The following ESR1 variants were observed in gnomAD, a reference collection of about 807,000 sequenced individuals.
ESR1 encodes the protein estrogen receptor.
In ESR1, 12 loss-of-function variants were observed where a neutral mutation model predicts 52.7. The ratio of observed to expected loss-of-function variants is 0.23; its 90% confidence interval spans 0.15 to 0.37. The LOEUF (loss-of-function observed/expected upper bound fraction) is 0.37. Ranked by LOEUF, ESR1 falls within the 10% of genes least tolerant of loss-of-function variation. The pLI is 1.00. For missense variants in ESR1, 584 were observed against 779.7 expected, an observed-to-expected ratio of 0.75 and a Z score of 2.99; for synonymous variants, 305 against 316.8, an observed-to-expected ratio of 0.96 and a Z score of 0.39.
At chr6:151,774,618 A>G (rs1355574070) in intron 2 of ESR1, among the ~76,000 whole-genome samples, 1 of 152,212 alleles carries the variant, frequency 6.6e-6, no homozygotes, top group Non-Finnish European at 1.5e-5. Flanking sequence ...CAACTGTAGA[A>G]GTCTAGGATG....
At chr6:152,086,558 C>T (rs941145239) in intron 6 of ESR1, among the ~76,000 whole-genome samples, 2 of 150,642 alleles carry the variant, frequency 1.3e-5, no homozygotes, top group African/African-American at 4.9e-5. Flanking sequence ...TCAACTGAAC[C>T]AGTTCATCAG....
At chr6:151,951,459 A>G (rs1291772091) in intron 4 of ESR1, among the ~76,000 whole-genome samples, 1 of 152,220 alleles carries the variant, frequency 6.6e-6, no homozygotes, top group African/African-American at 2.4e-5. Flanking sequence ...TCAAAGTTAT[A>G]GTTTCACTTA....
intron 3 of ESR1, among the ~76,000 whole-genome samples, chr6:151,938,207 GTT>G (rs969999140): frequency 1.3e-5 from 2 of 151,824 alleles, no homozygotes; most frequent in African/African-American, 4.8e-5. Flanking sequence ...TATTATACTA[GTT>G]TTTTTTCTGG....
At chr6:151,956,614 A>G (rs1325607615) in intron 4 of ESR1, among the ~76,000 whole-genome samples, 2 of 152,002 alleles carry the variant, frequency 1.3e-5, no homozygotes, top group Non-Finnish European at 2.9e-5. Flanking sequence ...ATAGTTTAGT[A>G]TTAGGGAAAC....
intron 4 of ESR1, among the ~76,000 whole-genome samples, chr6:152,006,404 G>A (rs534475806): frequency 1.6e-4 from 24 of 151,826 alleles, no homozygotes; most frequent in Non-Finnish European, 2.6e-4. Flanking sequence ...GAGAAGGAAG[G>A]TCATTTCAAC....
intron 2 of ESR1, among the ~76,000 whole-genome samples, chr6:151,853,521 C>T (rs1048875814): frequency 6.6e-6 from 1 of 152,100 alleles, no homozygotes; most frequent in South Asian, 2.1e-4. Context: ...TTTCCTCTCC[C>T]TTTGGCTAAG....
rs780263411 is a variant in ESR1, at chr6:152,122,672, T to A, written c.851-2594T>A. On this transcript the variant is annotated intron_variant, in intron 6 of 6. Coordinates refer to the ESR1 transcript ENST00000427531. Reference sequence around the variant, plus strand: ...AGGGAGGAATCGGAGCCACCTTTTGTGGACCTGAGAGAAGAATGGACATAA... The same window carrying A: ...AGGGAGGAATCGGAGCCACCTTTTGAGGACCTGAGAGAAGAATGGACATAA... 2.2e-5 allele frequency: 35 copies of A among 1,613,750 alleles called. No individual in the cohort carries two copies. Among genetic ancestry groups the A allele is most frequent in the Non-Finnish European group, 3.0e-5 (35 of 1,179,904 alleles).
chr6:151,666,695 C>CT (rs1777835403), intron 1 of ESR1, among the ~76,000 whole-genome samples: 2 of 134,440 alleles, frequency 1.5e-5, no homozygotes, highest in Non-Finnish European at 3.1e-5. Flanking sequence ...CTTCCCCATC[C>CT]CCCTCCTCCT....
Position 151,847,967 on chromosome 6 carries a change from C to T in ESR1, c.643+5180C>T, listed in dbSNP as rs1785441564. Among the ~76,000 whole-genome samples, 4 of 146,392 alleles carry T rather than the reference C, an allele frequency of 2.7e-5. No individual in the cohort carries two copies. In the South Asian group the frequency reaches 9.0e-4, roughly 33 times the overall value. On this transcript the variant is annotated intron_variant, in intron 2 of 7. Transcript: ENST00000206249. ...TAGAAATACCATTTGACCCAGCTAT[C>T]CCATTACTGGGTATATACCCAAAGG... is the stretch of plus-strand genomic sequence containing the variant.
chr6:151,959,704 A>T (rs931001597), intron 4 of ESR1, among the ~76,000 whole-genome samples: 5 of 147,938 alleles, frequency 3.4e-5, no homozygotes, highest in African/African-American at 7.6e-5. Flanking sequence ...TTTTTTTTTT[A>T]ATTAGAAAAA....
intron 5 of ESR1, among the ~76,000 whole-genome samples, chr6:152,057,947 A>G (rs1431024248): frequency 6.6e-6 from 1 of 152,178 alleles, no homozygotes; most frequent in African/African-American, 2.4e-5. Context: ...CGATTGAAAA[A>G]GGACAAGAAG....
intron 1 of ESR1, among the ~76,000 whole-genome samples, chr6:151,680,205 T>C (rs1778402433): frequency 7.6e-5 from 2 of 26,342 alleles, no homozygotes; most frequent in South Asian, 1.6e-3. Flanking sequence ...TTCTTTTCTC[T>C]TTTTTTTTTT....
intron 2 of ESR1, among the ~76,000 whole-genome samples, chr6:151,869,718 C>T (rs1008952708): frequency 2.0e-5 from 3 of 152,136 alleles, no homozygotes; most frequent in Non-Finnish European, 4.4e-5. Context: ...GAAAAAGAAA[C>T]TTTCCAGGAC....
intron 2 of ESR1, among the ~76,000 whole-genome samples, chr6:151,873,939 T>A (rs1240670708): frequency 6.6e-6 from 1 of 152,216 alleles, no homozygotes; most frequent in Non-Finnish European, 1.5e-5. Flanking sequence ...AAGCTTTATA[T>A]ATGTTAGCTA....
intron 3 of ESR1, 32 bp downstream of exon 3, chr6:151,880,803 A>C (rs374539472): frequency 4.3e-6 from 5 of 1,173,158 alleles, no homozygotes; most frequent in Non-Finnish European, 6.4e-6. Context: ...GCCCTTGGGG[A>C]TGGCCCTGGC....
chr6:152,062,088 C>A (rs1369031127), intron 6 of ESR1, among the ~76,000 whole-genome samples: 1 of 152,192 alleles, frequency 6.6e-6, no homozygotes, highest in Non-Finnish European at 1.5e-5. Flanking sequence ...GTCTCAAATT[C>A]CTCAATAGCT....
intron 5 of ESR1, among the ~76,000 whole-genome samples, chr6:152,051,407 C>A (rs6557192): frequency 0.22 from 33,416 of 152,080 alleles, 5,319 homozygotes; most frequent in African/African-American, 0.44. Flanking sequence ...AAAAAACTGA[C>A]TAGGATCTCA....
At chr6:152,088,832 C>A (rs1468959974) in intron 6 of ESR1, among the ~76,000 whole-genome samples, 2 of 152,090 alleles carry the variant, frequency 1.3e-5, no homozygotes, top group Non-Finnish European at 2.9e-5. Context: ...GGCTAAAACA[C>A]ACGCCAAGAA....
chr6:151,808,151 A>G lies in ESR1; in HGVS notation c.239A>G (p.Tyr80Cys), dbSNP rs572261788. 4 of 1,599,226 alleles carry G rather than the reference A, an allele frequency of 2.5e-6. No individual in the cohort carries two copies. The Admixed American group carries it at 5.2e-5, about 21-fold the overall frequency. ...GTCTACGGTCAGACCGGCCTCCCCT[A>G]CGGCCCCGGGTCTGAGGCTGCGGCG... is the stretch of plus-strand genomic sequence containing the variant. ...AQVYGQTGLP[Y>C]GPGSEAAAFG... Residue 80 changes from tyrosine (Y) to cysteine (C), a missense_variant, in exon 1 of 8, where the codon TAC becomes TGC. Transcript: ENST00000206249.
Sources: allele counts gnomAD v4.1 joint callset (sites outside exome capture counted in the v4.1 genomes callset), GRCh38; gene constraint gnomAD v4.1.1; transcripts MANE v1.5; gene names NCBI Gene and HGNC (gene_info 2026-07-23, HGNC 2026-07-21).